Variants in LRRC7 observed in about 807,000 individuals in gnomAD.
LRRC7 encodes the protein leucine rich repeat containing 7.
In LRRC7, 23 loss-of-function variants were observed where a neutral mutation model predicts 175.7. That is an observed-to-expected ratio of 0.13 (90% CI 0.09 to 0.19). The LOEUF is 0.19. Ranked by LOEUF, LRRC7 falls within the 10% of genes least tolerant of loss-of-function variation. The pLI, the probability that LRRC7 is intolerant of heterozygous loss-of-function variation, is 1.00. For missense variants in LRRC7, 1,354 were observed against 1,904.7 expected, an observed-to-expected ratio of 0.71 and a Z score of 5.38; for synonymous variants, 685 against 680.9, an observed-to-expected ratio of 1.01 and a Z score of -0.09.
chr1:69,744,546 G>T (rs1451916221), intron 2 of LRRC7, among the ~76,000 whole-genome samples: 1 of 151,878 alleles, frequency 6.6e-6, no homozygotes, highest in South Asian at 2.1e-4. Flanking sequence ...TGTCCTGAAT[G>T]CATTCATATG....
At chr1:70,018,381 GA>G (rs1442868831) in intron 14 of LRRC7, among the ~76,000 whole-genome samples, 1 of 151,962 alleles carries the variant, frequency 6.6e-6, no homozygotes. Context: ...AATAATCCAT[GA>G]AAATGAATAG....
chr1:69,847,188 C>T (rs940535985), intron 7 of LRRC7, among the ~76,000 whole-genome samples: 7 of 152,056 alleles, frequency 4.6e-5, no homozygotes, highest in African/African-American at 1.7e-4. Flanking sequence ...TTGTTTGTAT[C>T]TTCATGTATC....
At chr1:69,569,906 C>CAAAAAAAAAAAAA (rs71071364) in intron 1 of LRRC7, among the ~76,000 whole-genome samples, 2 of 87,104 alleles carry the variant, frequency 2.3e-5, no homozygotes, top group Non-Finnish European at 2.1e-5. Context: ...AAAGGAATTA[C>CAAAAAAAAAAAAA]AAAAAAAAAA....
At chr1:69,691,394 C>T (rs1044516411) in intron 2 of LRRC7, among the ~76,000 whole-genome samples, 1 of 152,028 alleles carries the variant, frequency 6.6e-6, no homozygotes, top group African/African-American at 2.4e-5. Flanking sequence ...TGCTTAAGGG[C>T]AAACAGACGC....
Position 69,803,233 on chromosome 1 carries a change from G to GC in LRRC7, c.421+11075dup, listed in dbSNP as rs377100319. Reference sequence around the variant, plus strand: ...TGGTTTTCATTTTCAAAAGTGTTTTGCCATTCTTAATACTGAATTCTTCCG... The same window carrying GC: ...TGGTTTTCATTTTCAAAAGTGTTTTGCCCATTCTTAATACTGAATTCTTCCG... On this transcript the variant is annotated intron_variant, in intron 4 of 26. Coordinates refer to ENST00000651989, the MANE Select transcript of LRRC7 (RefSeq NM_001370785.2). Among the ~76,000 whole-genome samples the GC allele has an allele frequency of 4.1e-3, 624 of 151,178 alleles. 7 individuals are homozygous for GC. Among genetic ancestry groups the GC allele is most frequent in the African/African-American group, 0.014 (575 of 41,406 alleles).
intron 2 of LRRC7, among the ~76,000 whole-genome samples, chr1:69,707,349 T>A (rs1275341566): frequency 6.6e-6 from 1 of 152,120 alleles, no homozygotes; most frequent in Non-Finnish European, 1.5e-5. Context: ...ACCCTCTTCA[T>A]CCCTCTGCTG....
At chr1:70,044,125 A>G in intron 22 of LRRC7, 31 bp downstream of exon 22, 1 of 1,601,986 alleles carries the variant, frequency 6.2e-7, no homozygotes, top group Non-Finnish European at 8.5e-7. Flanking sequence ...ATGTGTCAGC[A>G]TACCAAAGCC....
chr1:69,731,462 A>C (rs941765796), intron 2 of LRRC7, among the ~76,000 whole-genome samples: 2 of 152,220 alleles, frequency 1.3e-5, no homozygotes, highest in African/African-American at 4.8e-5. Flanking sequence ...GATATAGCCC[A>C]ACCATATCAA....
intron 3 of LRRC7, among the ~76,000 whole-genome samples, chr1:69,786,230 G>T (rs997826827): frequency 6.6e-6 from 1 of 152,142 alleles, no homozygotes; most frequent in Non-Finnish European, 1.5e-5. Context: ...TAACTCTCAA[G>T]TGGGTTTAAA....
intron 8 of LRRC7, among the ~76,000 whole-genome samples, chr1:69,964,236 C>T (rs1651437513): frequency 6.6e-6 from 1 of 152,206 alleles, no homozygotes; most frequent in Admixed American, 6.5e-5. Flanking sequence ...AGCACTTACA[C>T]TTAGAACCAG....
intron 11 of LRRC7, among the ~76,000 whole-genome samples, chr1:70,006,157 T>A (rs1379546416): frequency 6.6e-6 from 1 of 152,150 alleles, no homozygotes; most frequent in Non-Finnish European, 1.5e-5. Flanking sequence ...ATTTTAGAGA[T>A]CATTGAGGAA....
chr1:69,650,305 C>T (rs1655609446), intron 1 of LRRC7, among the ~76,000 whole-genome samples: 1 of 151,860 alleles, frequency 6.6e-6, no homozygotes, highest in Non-Finnish European at 1.5e-5. Flanking sequence ...CTTTGGGATG[C>T]CAGGACGGGT....
chr1:69,919,697 AAGGCCAGGGGAGACCTGGGTGCCTTC>A, intron 7 of LRRC7: 5 of 987,224 alleles, frequency 5.1e-6, no homozygotes, highest in Non-Finnish European at 8.0e-6. Context: ...CAGCTCGGCC[AAGGCCAGGGGAGACCTGGGTGCCTTC>A]AGCAAAGGTC....
chr1:69,895,515 A>T (rs933095701), intron 7 of LRRC7, among the ~76,000 whole-genome samples: 12 of 152,218 alleles, frequency 7.9e-5, no homozygotes, highest in African/African-American at 2.9e-4. Context: ...TTTGAAATAT[A>T]TACATACCAG....
At chr1:70,046,963 G>A (rs909881218) in intron 22 of LRRC7, among the ~76,000 whole-genome samples, 1 of 152,080 alleles carries the variant, frequency 6.6e-6, no homozygotes, top group African/African-American at 2.4e-5. Context: ...CTCCCCAGGA[G>A]AGGAGATAGG....
intron 20 of LRRC7, 44 bp downstream of exon 20, chr1:70,036,668 C>A: frequency 6.5e-7 from 1 of 1,545,026 alleles, no homozygotes; most frequent in Non-Finnish European, 8.7e-7. Context: ...CGTTTATTTT[C>A]AGCAACTTTT....
At chr1:69,789,547 A>G (rs981687773) in intron 3 of LRRC7, among the ~76,000 whole-genome samples, 1 of 152,116 alleles carries the variant, frequency 6.6e-6, no homozygotes, top group Non-Finnish European at 1.5e-5. Context: ...TGTATTCTTC[A>G]TAATTATATT....
intron 8 of LRRC7, among the ~76,000 whole-genome samples, chr1:69,959,359 ACAAG>A (rs1650817886): frequency 6.6e-6 from 1 of 152,018 alleles, no homozygotes; most frequent in Admixed American, 6.6e-5. Flanking sequence ...GTAAATAGAG[ACAAG>A]GTAAATTTAG....
intron 1 of LRRC7, among the ~76,000 whole-genome samples, chr1:69,672,705 C>T (rs906261644): frequency 6.6e-6 from 1 of 152,200 alleles, no homozygotes; most frequent in Non-Finnish European, 1.5e-5. Context: ...TCTATTTCAA[C>T]TAGATTTTCA....
Sources: allele counts gnomAD v4.1 joint callset (sites outside exome capture counted in the v4.1 genomes callset), GRCh38; gene constraint gnomAD v4.1.1; transcripts MANE v1.5; gene names NCBI Gene and HGNC (gene_info 2026-07-23, HGNC 2026-07-21).